GRM4: variants seen among roughly 807,000 people sequenced by gnomAD.
GRM4 encodes glutamate metabotropic receptor 4.
Under a neutral mutation model 81.7 loss-of-function variants are expected in GRM4, and 28 were observed. The ratio of observed to expected loss-of-function variants is 0.34; its 90% CI spans 0.25 to 0.47. The LOEUF is 0.47. Among genes scored for constraint, GRM4 ranks in the 20% least tolerant of loss-of-function variants. The pLI is 1.00. For missense variants in GRM4, 948 were observed against 1,290.0 expected, an observed-to-expected ratio of 0.73 and a Z score of 4.06; for synonymous variants, 488 against 528.8, an observed-to-expected ratio of 0.92 and a Z score of 1.06.
intron 5 of GRM4, among the ~76,000 whole-genome samples, chr6:34,057,624 G>C (rs1765975090): frequency 6.6e-6 from 1 of 152,250 alleles, no homozygotes; most frequent in Admixed American, 6.5e-5. Context: ...AATGGCTCCA[G>C]AAATTGCCAA....
intron 9 of GRM4, among the ~76,000 whole-genome samples, chr6:34,033,410 G>T (rs144302146): frequency 1.3e-5 from 2 of 151,854 alleles, no homozygotes; most frequent in African/African-American, 2.4e-5. Context: ...TGCTGGGGAT[G>T]GGGGGGTGCT....
intron 3 of GRM4, among the ~76,000 whole-genome samples, chr6:34,087,706 C>A (rs111301735): frequency 0.018 from 2,534 of 143,110 alleles, 59 homozygotes; most frequent in African/African-American, 0.05. Context: ...ACAACCCCCC[C>A]CCCACACACA....
intron 1 of GRM4, among the ~76,000 whole-genome samples, chr6:34,153,925 C>CAAAAA (rs3041982): frequency 3.1e-5 from 4 of 129,478 alleles, no homozygotes; most frequent in African/African-American, 1.1e-4. Context: ...GACTCTGTCT[C>CAAAAA]AAAAAAAAAA....
Position 34,133,445 on chromosome 6 carries a change from G to A in GRM4, c.52C>T (p.Leu18=). ...GWWWARLPLC[L]LLSLYGPWMP... is the part of the protein sequence containing the mutation. ...CAGGGGCCGTAAAGGCTGAGGAGCAGGCAAAGGGGCAGCCGGGCCCACCAC... is the reference window on the plus strand; with the variant it reads ...CAGGGGCCGTAAAGGCTGAGGAGCAAGCAAAGGGGCAGCCGGGCCCACCAC... The change falls in exon 2 of 11, where the codon CTG becomes TTG. Residue 18 remains leucine (L), a synonymous_variant. Coordinates refer to ENST00000538487, the MANE Select transcript of GRM4 (RefSeq NM_000841.4). The surrounding 1 kb of genome is among the most constrained non-coding windows in gnomAD (Gnocchi z 6.5). The A allele has an allele frequency of 6.2e-7, 1 of 1,605,952 alleles. No individual in the cohort carries two copies. Among genetic ancestry groups the A allele is most frequent in the South Asian group, 1.1e-5 (1 of 89,982 alleles).
chr6:34,021,093 C>T lies in GRM4; in HGVS notation c.*1728G>A, dbSNP rs1475516668. The T allele has an allele frequency of 2.0e-5, 3 of 152,318 alleles. No homozygotes were observed. Among genetic ancestry groups the T allele is most frequent in the Admixed American group, 6.5e-5 (1 of 15,288 alleles). The allele number at this position is 152,318 out of a possible 1,614,324, so 9.4% of individuals were successfully genotyped here. On this transcript the variant is annotated 3_prime_UTR_variant, in exon 11 of 11. Transcript: ENST00000538487. This position sits in a 1 kb window ranked among gnomAD's most constrained non-coding sequence, Gnocchi z 5.3. ...GCCAGAGCCCAGCCCCTAAGCGCTC[C>T]TGTTTCCCACCTCCCAACCTGCCAG...
chr6:34,144,838 C>T lies in GRM4; in HGVS notation c.-364+1162G>A, dbSNP rs936470248. ...CTTTCCACCGGGCCCGCAAAAAAGC[C>T]TCTGCCCCATTCCCTCCCTCAGGGG... On this transcript the variant is annotated intron_variant, in intron 1 of 10. Transcript: ENST00000538487. Among the ~76,000 whole-genome samples, 7 of 152,202 alleles carry T rather than the reference C, an allele frequency of 4.6e-5. 1 individual carries two copies. The highest frequency in any genetic ancestry group is 3.9e-4 in the Admixed American group (6 of 15,294).
At position 34,026,045 on chromosome 6, in the gene GRM4, C is replaced by G. The variant is rs142425443; in HGVS notation, c.2689+2075G>C. Among the ~76,000 whole-genome samples, 164 of 152,272 alleles carry G rather than the reference C, an allele frequency of 1.1e-3. 2 individuals carry two copies. The East Asian group carries it at 0.024, about 22-fold the overall frequency. ...GCCCTGGCTGCTGGTTTTCAGTTGC[C>G]GGAGGCGCAGATAACAATTAGCCAG... On this transcript the variant is annotated intron_variant, in intron 10 of 10. Coordinates refer to ENST00000538487, the MANE Select transcript of GRM4 (RefSeq NM_000841.4).
At chr6:34,032,467 T>C (rs1764484704) in intron 9 of GRM4, among the ~76,000 whole-genome samples, 1 of 152,210 alleles carries the variant, frequency 6.6e-6, no homozygotes, top group Non-Finnish European at 1.5e-5. Context: ...TGCCTGAGTC[T>C]CTAAGAAGCC....
intron 2 of GRM4, among the ~76,000 whole-genome samples, chr6:34,098,956 G>A (rs1296163609): frequency 6.6e-6 from 1 of 152,096 alleles, no homozygotes; most frequent in Non-Finnish European, 1.5e-5. Flanking sequence ...CTGTGGGCTG[G>A]GAGCCGGTCT....
chr6:34,140,923 T>C (rs1770660857), intron 1 of GRM4, among the ~76,000 whole-genome samples: 2 of 152,324 alleles, frequency 1.3e-5, no homozygotes, highest in South Asian at 4.1e-4. Flanking sequence ...CTGTGGTTGG[T>C]GGGGAGACTT....
chr6:34,143,725 C>T (rs1186833926), intron 1 of GRM4, among the ~76,000 whole-genome samples: 2 of 152,210 alleles, frequency 1.3e-5, no homozygotes, highest in East Asian at 3.9e-4. Context: ...GGTATGAGAG[C>T]ATTCTTCACG....
intron 6 of GRM4, among the ~76,000 whole-genome samples, chr6:34,049,920 G>A (rs998883272): frequency 6.6e-6 from 1 of 152,204 alleles, no homozygotes; most frequent in African/African-American, 2.4e-5. Flanking sequence ...CCAGAGAGGA[G>A]TGAGCAGTTA....
intron 3 of GRM4, among the ~76,000 whole-genome samples, chr6:34,079,360 G>A (rs12527381): frequency 4.6e-5 from 7 of 151,872 alleles, no homozygotes; most frequent in Non-Finnish European, 8.8e-5. Flanking sequence ...TCCCTTCCCC[G>A]ACTCCTGCCT....
chr6:34,142,321 G>A (rs988757475), intron 1 of GRM4, among the ~76,000 whole-genome samples: 5 of 152,182 alleles, frequency 3.3e-5, no homozygotes, highest in African/African-American at 7.2e-5. Flanking sequence ...GCCAACAGCC[G>A]GCAGGCCCAG....
In GRM4 at chr6:34,136,563, GACACACACACACACAC is replaced by G. The variant is rs10635207; in HGVS notation, c.-363-2720_-363-2705del. ...GCTGAGCAGTGCATGCGCGCGTGCG[GACACACACACACACAC>G]ACACACACACACACACACACACACA... On this transcript the variant is annotated intron_variant, in intron 1 of 10. Transcript: ENST00000538487. This position sits in a 1 kb window ranked among gnomAD's most constrained non-coding sequence, Gnocchi z 4.1. 1.3e-4 allele frequency among the ~76,000 whole-genome samples: 19 copies of G among 142,532 alleles called. 1 individual carries two copies. Among genetic ancestry groups the G allele is most frequent in the Admixed American group, 9.0e-4 (13 of 14,518 alleles). 93.5% of individuals were successfully genotyped at this position (142,532 alleles called of 152,430 possible). A position where few individuals can be genotyped will look rare whatever the true frequency, so the allele number is the denominator to read the frequency against.
chr6:34,116,214 C>T (rs950514639), intron 2 of GRM4, among the ~76,000 whole-genome samples: 2 of 152,276 alleles, frequency 1.3e-5, no homozygotes, highest in Admixed American at 6.5e-5. Flanking sequence ...GAATGAGCAC[C>T]GGCTTCAGGG....
intron 2 of GRM4, among the ~76,000 whole-genome samples, chr6:34,118,605 C>T (rs1769686211): frequency 6.6e-6 from 1 of 152,176 alleles, no homozygotes; most frequent in Admixed American, 6.5e-5. Flanking sequence ...AAATTGTGAG[C>T]TATTAGGATT....
rs934743025 is a variant in GRM4 at position 34,115,097 on chromosome 6, G to A, written c.519+17881C>T. Among the ~76,000 whole-genome samples the A allele has an allele frequency of 6.6e-6, 1 of 152,216 alleles. No homozygotes were observed. Among genetic ancestry groups the A allele is most frequent in the East Asian group, 1.9e-4 (1 of 5,194 alleles). On this transcript the variant is annotated intron_variant, in intron 2 of 10. Transcript: ENST00000538487. This position sits in a 1 kb window ranked among gnomAD's most constrained non-coding sequence, Gnocchi z 4.1. ...CCCAGATGCTGCTAACCTCTCCTCAGGGGTTGCCTGGGTGCAAAGAGGTTC... is the reference window on the plus strand; with the variant it reads ...CCCAGATGCTGCTAACCTCTCCTCAAGGGTTGCCTGGGTGCAAAGAGGTTC...
chr6:34,127,232 C>T (rs533835263), intron 2 of GRM4, among the ~76,000 whole-genome samples: 2 of 152,212 alleles, frequency 1.3e-5, no homozygotes, highest in African/African-American at 4.8e-5. Context: ...GGGAAAGAGA[C>T]AGAATAGCCA....
Sources: gnomAD v4.1 joint callset for allele counts (sites outside exome capture counted in the v4.1 genomes callset) on GRCh38, gnomAD v4.1.1 for gene constraint, Gnocchi (gnomAD v3.1) non-coding constraint, MANE v1.5 for transcripts, NCBI Gene and HGNC (gene_info 2026-07-23, HGNC 2026-07-21) for gene names.